KCNQ1: variants seen among roughly 807,000 people sequenced by gnomAD.
KCNQ1 encodes the protein potassium voltage-gated channel subfamily Q member 1.
KCNQ1 carries 49 observed loss-of-function variants against 72.4 expected under a neutral mutation model. The observed-to-expected ratio is 0.68, with a 90% confidence interval of 0.54 to 0.86. The LOEUF (loss-of-function observed/expected upper bound fraction) is 0.86, where lower values mean the gene tolerates loss of function less well. KCNQ1 is among the 40% of genes least tolerant of loss of function. The pLI, the probability that KCNQ1 is intolerant of heterozygous loss-of-function variation, is 0.00. For synonymous variants in KCNQ1, 450 were observed against 412.6 expected (o/e 1.09, Z -1.10); for missense variants, 790 against 945.1 (o/e 0.84, Z 2.15).
At position 2,457,876 on chromosome 11, in the gene KCNQ1, T is replaced by C. The variant is rs1415361240; in HGVS notation, c.386+12392T>C. The stretch of plus-strand genomic sequence containing the variant: ...ACGCAAAAATCCTCCATCCCTGCAT[T>C]TGAATGAGGACTATCAGTATGCATC... On this transcript the variant is annotated intron_variant, in intron 1 of 15. Coordinates refer to ENST00000155840, the MANE Select transcript of KCNQ1 (RefSeq NM_000218.3). This position sits in a 1 kb window ranked among gnomAD's most constrained non-coding sequence, Gnocchi z 5.0. Among the ~76,000 whole-genome samples the C allele has an allele frequency of 6.6e-6, 1 of 151,754 alleles. No homozygotes were observed. The highest frequency in any genetic ancestry group is 1.5e-5 in the Non-Finnish European group (1 of 67,976).
In KCNQ1 at chr11:2,668,935, T is replaced by C. The variant is rs1331510907; in HGVS notation, c.1514+6854T>C. 1 of 398,614 alleles carries C rather than the reference T, an allele frequency of 2.5e-6. No homozygotes were observed. The highest frequency in any genetic ancestry group is 3.6e-5 in the East Asian group (1 of 28,080). 24.7% of individuals were successfully genotyped at this position (398,614 alleles called of 1,614,324 possible). A position where few individuals can be genotyped will look rare whatever the true frequency, so the allele number is the denominator to read the frequency against. Reference sequence around the variant, plus strand: ...AAGCTTTATTAGCTCACCTTTCCCATGTAGATCTGCACTCCATCTGGGATT... The same window carrying C: ...AAGCTTTATTAGCTCACCTTTCCCACGTAGATCTGCACTCCATCTGGGATT... On this transcript the variant is annotated intron_variant, in intron 11 of 15. Coordinates refer to ENST00000155840, the MANE Select transcript of KCNQ1 (RefSeq NM_000218.3). The surrounding 1 kb of genome is among the most constrained non-coding windows in gnomAD (Gnocchi z 4.3).
intron 10 of KCNQ1, chr11:2,614,590 G>T (rs1205913554): frequency 7.5e-6 from 3 of 398,248 alleles, no homozygotes; most frequent in Non-Finnish European, 1.3e-5. Flanking sequence ...TTCATTCTTT[G>T]ATATATGAGG....
chr11:2,769,037 C>G lies in KCNQ1; in HGVS notation c.1590+118C>G. On this transcript the variant is annotated intron_variant, in intron 12 of 15. Coordinates refer to ENST00000155840, the MANE Select transcript of KCNQ1 (RefSeq NM_000218.3). This position sits in a 1 kb window ranked among gnomAD's most constrained non-coding sequence, Gnocchi z 4.6. ...GTGGAGGGTGTCAAGGCCTCCGCCC[C>G]CAAGCCACACAGGCAGGCCTATCTG... 1 of 855,778 alleles carries G rather than the reference C, an allele frequency of 1.2e-6. No individual in the cohort carries two copies. The highest frequency in any genetic ancestry group is 2.0e-6 in the Non-Finnish European group (1 of 512,342). 53.0% of individuals were successfully genotyped at this position (855,778 alleles called of 1,614,324 possible). A position where few individuals can be genotyped will look rare whatever the true frequency, so the allele number is the denominator to read the frequency against.
At position 2,658,906 on chromosome 11, in the gene KCNQ1, C is replaced by T; in HGVS notation, c.1394-3055C>T. 5.0e-6 allele frequency: 2 copies of T among 398,498 alleles called. No homozygotes were observed. The highest frequency in any genetic ancestry group is 8.8e-6 in the Non-Finnish European group (2 of 226,026). The allele number at this position is 398,498 out of a possible 1,614,324, so 24.7% of individuals were successfully genotyped here. A position where few individuals can be genotyped will look rare whatever the true frequency, so the allele number is the denominator to read the frequency against. On this transcript the variant is annotated intron_variant, in intron 10 of 15. Coordinates refer to ENST00000155840, the MANE Select transcript of KCNQ1 (RefSeq NM_000218.3). This position sits in a 1 kb window ranked among gnomAD's most constrained non-coding sequence, Gnocchi z 4.9. The stretch of plus-strand genomic sequence containing the variant: ...GTAACCCTATTGTACACGTAGTACC[C>T]TATGTGAAGCAAATTTACCTACTAG...
Position 2,657,882 on chromosome 11 carries a change from A to AG in KCNQ1, c.1394-4077dup, listed in dbSNP as rs1238096311. 2.0e-5 allele frequency: 8 copies of AG among 398,508 alleles called. No individual in the cohort carries two copies. 24.7% of individuals were successfully genotyped at this position (398,508 alleles called of 1,614,324 possible). Reference sequence around the variant, plus strand: ...TAGGTTTAGGGGAAGGAGGCCAGTGAGGTGAGATGCTTTCCTCATTGTGGA... The same window carrying AG: ...TAGGTTTAGGGGAAGGAGGCCAGTGAGGGTGAGATGCTTTCCTCATTGTGGA... On this transcript the variant is annotated intron_variant, in intron 10 of 15. Transcript: ENST00000155840. The surrounding 1 kb of genome is among the most constrained non-coding windows in gnomAD (Gnocchi z 4.8).
rs1385683968 is a variant in KCNQ1 at position 2,723,181 on chromosome 11, T to TGTGGTGCTGCTTGTCC, written c.1515-45654_1515-45639dup. Among the ~76,000 whole-genome samples the TGTGGTGCTGCTTGTCC allele has an allele frequency of 7.2e-5, 11 of 151,952 alleles. No individual in the cohort carries two copies. The East Asian group carries it at 2.1e-3, about 29-fold the overall frequency. ...TTCCTCCGTGGTGGCCTGAGAGGGGTGTGGTGCTGCTTGTCCGTGGTGCTC... is the reference window on the plus strand; with the variant it reads ...TTCCTCCGTGGTGGCCTGAGAGGGGTGTGGTGCTGCTTGTCCGTGGTGCTGCTTGTCCGTGGTGCTC... On this transcript the variant is annotated intron_variant, in intron 11 of 15. Transcript: ENST00000155840. This position sits in a 1 kb window ranked among gnomAD's most constrained non-coding sequence, Gnocchi z 4.2.
At chr11:2,650,944 T>C (rs544529006) in intron 10 of KCNQ1, 389 of 398,328 alleles carry the variant, frequency 9.8e-4, no homozygotes, top group Non-Finnish European at 6.9e-4. Flanking sequence ...TATCCTTTTT[T>C]CTTAGTACCC....
chr11:2,815,423 A>G lies in KCNQ1; in HGVS notation c.1795-32344A>G, dbSNP rs556016067. 1.3e-5 allele frequency among the ~76,000 whole-genome samples: 2 copies of G among 152,074 alleles called. No individual in the cohort carries two copies. The highest frequency in any genetic ancestry group is 4.2e-4 in the South Asian group (2 of 4,812). ...TGCTGAGGCCCACAGGGTAGTTCTG[A>G]GTTCGGGGGACCCTCTCCTGGCCCT... is the stretch of plus-strand genomic sequence containing the variant. On this transcript the variant is annotated intron_variant, in intron 15 of 15. Coordinates refer to ENST00000155840, the MANE Select transcript of KCNQ1 (RefSeq NM_000218.3). The surrounding 1 kb of genome is among the most constrained non-coding windows in gnomAD (Gnocchi z 5.4).
At chr11:2,573,620 G>A (rs1848374356) in intron 6 of KCNQ1, among the ~76,000 whole-genome samples, 1 of 152,246 alleles carries the variant, frequency 6.6e-6, no homozygotes, top group Non-Finnish European at 1.5e-5. Context: ...CGGCCTGTGG[G>A]CCCAGAGGCT....
chr11:2,655,200 T>A (rs1469560289), intron 10 of KCNQ1: 2 of 398,516 alleles, frequency 5.0e-6, no homozygotes, highest in Non-Finnish European at 8.8e-6. Flanking sequence ...GCAGCCAGCG[T>A]CCCCAGCTGG....
In KCNQ1 at chr11:2,762,401, A is replaced by G. The variant is rs976604368; in HGVS notation, c.1515-6443A>G. 5.9e-5 allele frequency among the ~76,000 whole-genome samples: 9 copies of G among 152,192 alleles called. No individual in the cohort carries two copies. Among genetic ancestry groups the G allele is most frequent in the African/African-American group, 1.4e-4 (6 of 41,454 alleles). On this transcript the variant is annotated intron_variant, in intron 11 of 15. Coordinates refer to ENST00000155840, the MANE Select transcript of KCNQ1 (RefSeq NM_000218.3). This position sits in a 1 kb window ranked among gnomAD's most constrained non-coding sequence, Gnocchi z 4.3. Reference sequence around the variant, plus strand: ...TTGTGACCGGTGTGTGGTAAGGATCATGGTTGACATACTTTCACAGGTGCA... The same window carrying G: ...TTGTGACCGGTGTGTGGTAAGGATCGTGGTTGACATACTTTCACAGGTGCA...
chr11:2,690,924 T>C lies in KCNQ1; in HGVS notation c.1514+28843T>C, dbSNP rs1243607464. On this transcript the variant is annotated intron_variant, in intron 11 of 15. Coordinates refer to ENST00000155840, the MANE Select transcript of KCNQ1 (RefSeq NM_000218.3). The surrounding 1 kb of genome is among the most constrained non-coding windows in gnomAD (Gnocchi z 5.1). ...TTGTCATGTGTAGGTCCCAGCGGCT[T>C]TAAGCCAACCTGAAAGGTTCATTTG... 1 of 398,398 alleles carries C rather than the reference T, an allele frequency of 2.5e-6. No individual in the cohort carries two copies. The highest frequency in any genetic ancestry group is 4.4e-6 in the Non-Finnish European group (1 of 226,046). 24.7% of individuals were successfully genotyped at this position (398,398 alleles called of 1,614,324 possible). A position where few individuals can be genotyped will look rare whatever the true frequency, so the allele number is the denominator to read the frequency against.
intron 6 of KCNQ1, among the ~76,000 whole-genome samples, chr11:2,580,426 T>C (rs1204932664): frequency 6.8e-6 from 1 of 146,068 alleles, no homozygotes; most frequent in East Asian, 2.0e-4. Flanking sequence ...TTTCATAATG[T>C]CATGAAAAAT....
chr11:2,823,941 G>A (rs193090381), intron 15 of KCNQ1, among the ~76,000 whole-genome samples: 69 of 152,300 alleles, frequency 4.5e-4, no homozygotes, highest in Middle Eastern at 6.8e-3. Flanking sequence ...GACAAGTCGA[G>A]AAACCATGTG....
At chr11:2,576,631 C>T (rs1848427106) in intron 6 of KCNQ1, among the ~76,000 whole-genome samples, 1 of 152,260 alleles carries the variant, frequency 6.6e-6, no homozygotes, top group Non-Finnish European at 1.5e-5. Flanking sequence ...CTGCTGTTCA[C>T]TCTCTCCTCA....
At chr11:2,570,201 G>T (rs1007140249) in intron 2 of KCNQ1, among the ~76,000 whole-genome samples, 4 of 151,944 alleles carry the variant, frequency 2.6e-5, no homozygotes, top group Non-Finnish European at 5.9e-5. Flanking sequence ...GACCCAAGCT[G>T]GGGTTCCTGG....
rs1295194979 is a variant in KCNQ1, at chr11:2,703,819, CG to C, written c.1514+41740del. On this transcript the variant is annotated intron_variant, in intron 11 of 15. Transcript: ENST00000155840. This position sits in a 1 kb window ranked among gnomAD's most constrained non-coding sequence, Gnocchi z 6.4. ...TCTCTCCCTACCCTGCCCCCACCCT[CG>C]GAGTCTAAGGGTGGAACCATCTTCA... Among the ~76,000 whole-genome samples, 1 of 152,200 alleles carries C rather than the reference CG, an allele frequency of 6.6e-6. No individual in the cohort carries two copies. The highest frequency in any genetic ancestry group is 1.5e-5 in the Non-Finnish European group (1 of 68,034).
At chr11:2,496,159 G>A (rs770199735) in intron 1 of KCNQ1, among the ~76,000 whole-genome samples, 3 of 151,826 alleles carry the variant, frequency 2.0e-5, no homozygotes, top group Non-Finnish European at 2.9e-5. Flanking sequence ...GATCTTGGCC[G>A]GGTGCAGTGG....
intron 15 of KCNQ1, among the ~76,000 whole-genome samples, chr11:2,779,469 C>T (rs1254686110): frequency 6.6e-6 from 1 of 152,168 alleles, no homozygotes. Flanking sequence ...TCCATCTCGG[C>T]TGCAGCCAGG....
Sources: gnomAD v4.1 joint callset for allele counts (sites outside exome capture counted in the v4.1 genomes callset) on GRCh38, gnomAD v4.1.1 for gene constraint, Gnocchi (gnomAD v3.1) non-coding constraint, MANE v1.5 for transcripts, NCBI Gene and HGNC (gene_info 2026-07-23, HGNC 2026-07-21) for gene names.